The following KCTD16 variants were observed in gnomAD, a reference collection of about 807,000 sequenced individuals.
KCTD16 encodes the protein potassium channel tetramerization domain containing 16.
A neutral mutation model predicts 33.2 loss-of-function variants in KCTD16; 13 were observed. The observed-to-expected ratio is 0.39, with a 90% confidence interval of 0.25 to 0.62. The LOEUF is 0.62. Ranked by LOEUF, KCTD16 falls within the 20% of genes least tolerant of loss-of-function variation. The pLI is 0.50. For missense variants in KCTD16, 441 were observed against 525.1 expected (o/e 0.84, Z 1.57); for synonymous variants, 197 against 195.3 (o/e 1.01, Z -0.07).
At position 144,482,816 on chromosome 5, in the gene KCTD16, T is replaced by C. The variant is rs937658577; in HGVS notation, c.*8702T>C. 6.6e-6 allele frequency: 1 copy of C among 151,758 alleles called. No individual in the cohort carries two copies. The highest frequency in any genetic ancestry group is 1.5e-5 in the Non-Finnish European group (1 of 67,872). 9.4% of individuals were successfully genotyped at this position (151,758 alleles called of 1,614,324 possible). On this transcript the variant is annotated 3_prime_UTR_variant, in exon 4 of 4. Transcript: ENST00000512467. ...GTATATATAAATATATATCTATAGC[T>C]GTACATATGTATACACCCATAAACA... is the stretch of plus-strand genomic sequence containing the variant.
At chr5:144,215,341 C>A (rs1369555971) in intron 3 of KCTD16, among the ~76,000 whole-genome samples, 1 of 152,180 alleles carries the variant, frequency 6.6e-6, no homozygotes, top group African/African-American at 2.4e-5. Context: ...TGATAAATAT[C>A]CCCAATAGAA....
chr5:144,369,270 C>G (rs575783664), intron 3 of KCTD16: 1 of 152,106 alleles, frequency 6.6e-6, no homozygotes, highest in Non-Finnish European at 1.5e-5. Flanking sequence ...TGTGCTGAAG[C>G]CTGAGAGACA....
At chr5:144,299,862 A>G (rs549811889) in intron 3 of KCTD16, among the ~76,000 whole-genome samples, 1 of 151,376 alleles carries the variant, frequency 6.6e-6, no homozygotes, top group South Asian at 2.1e-4. Context: ...CAAAGCATTC[A>G]CATATCATTA....
chr5:144,300,750 A>G (rs1751412633), intron 3 of KCTD16, among the ~76,000 whole-genome samples: 1 of 152,332 alleles, frequency 6.6e-6, no homozygotes, highest in East Asian at 1.9e-4. Flanking sequence ...GAGTCCACCC[A>G]AAGGATTTCA....
chr5:144,365,380 T>C (rs771802977), intron 3 of KCTD16, among the ~76,000 whole-genome samples: 13 of 152,284 alleles, frequency 8.5e-5, no homozygotes, highest in Non-Finnish European at 1.6e-4. Context: ...ATTCAATCAC[T>C]CTTCTAATTA....
At chr5:144,370,163 T>C (rs1399844246) in intron 3 of KCTD16, among the ~76,000 whole-genome samples, 1 of 151,758 alleles carries the variant, frequency 6.6e-6, no homozygotes, top group Non-Finnish European at 1.5e-5. Context: ...AGAATAAGAG[T>C]AGAGAGAGGA....
At chr5:144,415,706 G>T (rs1350949734) in intron 3 of KCTD16, among the ~76,000 whole-genome samples, 4 of 152,130 alleles carry the variant, frequency 2.6e-5, no homozygotes, top group East Asian at 3.8e-4. Context: ...ATTTTCCATG[G>T]TTATTAAGAG....
intron 3 of KCTD16, among the ~76,000 whole-genome samples, chr5:144,218,719 G>T (rs2546531): frequency 0.31 from 46,406 of 151,898 alleles, 7,255 homozygotes; most frequent in African/African-American, 0.36. Flanking sequence ...CCATTATTAT[G>T]ATTTTAACTT....
At chr5:144,372,171 G>T (rs1249567630) in intron 3 of KCTD16, among the ~76,000 whole-genome samples, 1 of 151,052 alleles carries the variant, frequency 6.6e-6, no homozygotes, top group Non-Finnish European at 1.5e-5. Flanking sequence ...CTAAATAAGT[G>T]AATTTGGAAA....
rs1364008224 is a variant in KCTD16 at position 144,481,541 on chromosome 5, A to G, written c.*7427A>G. On this transcript the variant is annotated 3_prime_UTR_variant, in exon 4 of 4. Coordinates refer to ENST00000512467, the MANE Select transcript of KCTD16 (RefSeq NM_020768.4). Reference sequence around the variant, plus strand: ...TAGAACACAATTTGTGTCTGAAATGATTTGACATTTTTCTTTTAATGTATC... The same window carrying G: ...TAGAACACAATTTGTGTCTGAAATGGTTTGACATTTTTCTTTTAATGTATC... 6.6e-6 allele frequency: 1 copy of G among 151,928 alleles called. No homozygotes were observed. The highest frequency in any genetic ancestry group is 2.4e-5 in the African/African-American group (1 of 41,408). 9.4% of individuals were successfully genotyped at this position (151,928 alleles called of 1,614,324 possible).
At chr5:144,442,102 C>A (rs904092621) in intron 3 of KCTD16, among the ~76,000 whole-genome samples, 1 of 152,002 alleles carries the variant, frequency 6.6e-6, no homozygotes, top group Non-Finnish European at 1.5e-5. Context: ...ATAGATTGAT[C>A]CTTTTATCAT....
intron 3 of KCTD16, among the ~76,000 whole-genome samples, chr5:144,210,476 T>C (rs1354592548): frequency 1.3e-5 from 2 of 152,200 alleles, no homozygotes; most frequent in Non-Finnish European, 2.9e-5. Context: ...ATTTTAGACA[T>C]GTCCTTTGCT....
At chr5:144,374,749 C>T (rs1205317227) in intron 3 of KCTD16, among the ~76,000 whole-genome samples, 1 of 149,804 alleles carries the variant, frequency 6.7e-6, no homozygotes, top group East Asian at 1.9e-4. Context: ...AAAATGGCTA[C>T]TTTTTTTTTT....
At chr5:144,176,561 C>T (rs1486186608) in intron 2 of KCTD16, among the ~76,000 whole-genome samples, 1 of 151,052 alleles carries the variant, frequency 6.6e-6, no homozygotes, top group Non-Finnish European at 1.5e-5. Context: ...CGCCACCGCG[C>T]CCGGCTAATT....
At chr5:144,439,302 C>G (rs1383102600) in intron 3 of KCTD16, 6 of 469,404 alleles carry the variant, frequency 1.3e-5, no homozygotes, top group South Asian at 3.8e-5. Flanking sequence ...CAAGCTGGTC[C>G]CTAAAACCCA....
At chr5:144,198,863 G>A (rs1337837226) in intron 2 of KCTD16, among the ~76,000 whole-genome samples, 1 of 152,124 alleles carries the variant, frequency 6.6e-6, no homozygotes, top group Non-Finnish European at 1.5e-5. Flanking sequence ...TTCAGAAAAG[G>A]GATCAGTAAC....
intron 3 of KCTD16, among the ~76,000 whole-genome samples, chr5:144,341,057 C>CA (rs1202363205): frequency 6.6e-6 from 1 of 151,768 alleles, no homozygotes; most frequent in Non-Finnish European, 1.5e-5. Flanking sequence ...AAAAAACAAA[C>CA]AAAAAAACAA....
intron 2 of KCTD16, among the ~76,000 whole-genome samples, chr5:144,193,523 AT>A (rs922958270): frequency 6.6e-6 from 1 of 151,756 alleles, no homozygotes; most frequent in Non-Finnish European, 1.5e-5. Flanking sequence ...CCCAAACAAG[AT>A]TTTTTAAATA....
At chr5:144,441,348 A>G (rs1753703447) in intron 3 of KCTD16, among the ~76,000 whole-genome samples, 1 of 152,144 alleles carries the variant, frequency 6.6e-6, no homozygotes, top group Admixed American at 6.6e-5. Flanking sequence ...ACCCAAAGAC[A>G]AAAAGATTTA....
Sources: gnomAD v4.1 joint callset for allele counts (sites outside exome capture counted in the v4.1 genomes callset) on GRCh38, gnomAD v4.1.1 for gene constraint, MANE v1.5 for transcripts, NCBI Gene and HGNC (gene_info 2026-07-23, HGNC 2026-07-21) for gene names.